RARB: variants seen among roughly 807,000 people sequenced by gnomAD.
The protein encoded by RARB is retinoic acid receptor beta, also known as HBV-activated protein.
Under a neutral mutation model 51.9 loss-of-function variants are expected in RARB, and 17 were observed. The ratio of observed to expected loss-of-function variants is 0.33; its 90% CI spans 0.22 to 0.49. The LOEUF is 0.49. Among genes scored for constraint, RARB ranks in the 20% least tolerant of loss-of-function variants. The pLI is 0.99. For synonymous variants in RARB, 215 were observed against 195.4 expected, an observed-to-expected ratio of 1.10 and a Z score of -0.84; for missense variants, 369 against 550.8, an observed-to-expected ratio of 0.67 and a Z score of 3.30.
intron 3 of RARB, among the ~76,000 whole-genome samples, chr3:25,084,149 C>G (rs969708166): frequency 6.6e-6 from 1 of 152,180 alleles, no homozygotes; most frequent in Non-Finnish European, 1.5e-5. Context: ...TCTTCACATT[C>G]TATCTAACTC....
chr3:24,885,947 A>G (rs567831486), intron 2 of RARB, among the ~76,000 whole-genome samples: 5 of 152,280 alleles, frequency 3.3e-5, no homozygotes, highest in African/African-American at 1.2e-4. Flanking sequence ...CTACTCATAT[A>G]TTATACTGTA....
intron 2 of RARB, among the ~76,000 whole-genome samples, chr3:24,956,023 T>A (rs114820280): frequency 0.02 from 3,052 of 152,176 alleles, 100 homozygotes; most frequent in African/African-American, 0.07. Flanking sequence ...GCTGTCTTCG[T>A]CAGATTAGGA....
At chr3:25,401,676 G>A (rs1283888993) in intron 5 of RARB, among the ~76,000 whole-genome samples, 2 of 152,222 alleles carry the variant, frequency 1.3e-5, no homozygotes, top group Non-Finnish European at 2.9e-5. Context: ...GAACGGATTA[G>A]TGAACTGTAA....
chr3:24,924,246 T>TA (rs1214243843), intron 2 of RARB, among the ~76,000 whole-genome samples: 1 of 152,208 alleles, frequency 6.6e-6, no homozygotes. Context: ...AACCATGTAC[T>TA]ATCTTTGATA....
intron 5 of RARB, among the ~76,000 whole-genome samples, chr3:25,298,049 G>T (rs1559348549): frequency 6.6e-6 from 1 of 152,272 alleles, no homozygotes; most frequent in East Asian, 1.9e-4. Context: ...TAGGACAAAA[G>T]ACAGCTAAGC....
At chr3:25,588,749 G>A (rs908236957) in intron 5 of RARB, among the ~76,000 whole-genome samples, 1 of 152,188 alleles carries the variant, frequency 6.6e-6, no homozygotes, top group Admixed American at 6.5e-5. Flanking sequence ...GGAATTTAGT[G>A]CTGGTTATTG....
intron 1 of RARB, among the ~76,000 whole-genome samples, chr3:24,830,900 G>T (rs1038172810): frequency 6.6e-6 from 1 of 152,150 alleles, no homozygotes; most frequent in Non-Finnish European, 1.5e-5. Flanking sequence ...GCTAGAAGTA[G>T]GAGAAGAAGA....
At chr3:25,088,617 A>G (rs1699143997) in intron 3 of RARB, among the ~76,000 whole-genome samples, 1 of 152,166 alleles carries the variant, frequency 6.6e-6, no homozygotes, top group Non-Finnish European at 1.5e-5. Flanking sequence ...GTGAAAGTAA[A>G]GAAAACAAAA....
intron 3 of RARB, among the ~76,000 whole-genome samples, chr3:25,522,124 A>G (rs1698427124): frequency 6.6e-6 from 1 of 152,074 alleles, no homozygotes; most frequent in Non-Finnish European, 1.5e-5. Context: ...AAGAAAATAT[A>G]TGAAAACAAA....
chr3:25,040,121 G>A (rs1435663661), intron 2 of RARB, among the ~76,000 whole-genome samples: 2 of 152,198 alleles, frequency 1.3e-5, no homozygotes, highest in Non-Finnish European at 2.9e-5. Flanking sequence ...GGTCTGAAAT[G>A]TTATTGTGGG....
chr3:25,319,263 TCAGGTCCTCCCAGGATA>T (rs1704502008), intron 5 of RARB, among the ~76,000 whole-genome samples: 1 of 152,256 alleles, frequency 6.6e-6, no homozygotes, highest in African/African-American at 2.4e-5. Context: ...CATCAAACCC[TCAGGTCCTCCCAGGATA>T]CAGTTTAATG....
chr3:25,335,148 C>CA (rs1705027490), intron 5 of RARB, among the ~76,000 whole-genome samples: 1 of 152,122 alleles, frequency 6.6e-6, no homozygotes, highest in African/African-American at 2.4e-5. Context: ...GGTAATAGCA[C>CA]AAGCATACTG....
At chr3:25,551,345 A>G (rs1489005794) in intron 3 of RARB, among the ~76,000 whole-genome samples, 2 of 152,198 alleles carry the variant, frequency 1.3e-5, no homozygotes, top group Admixed American at 6.5e-5. Flanking sequence ...AAGATGAGCT[A>G]TTGTCTGCAA....
intron 5 of RARB, among the ~76,000 whole-genome samples, chr3:25,400,443 G>A (rs1236459251): frequency 2.0e-5 from 3 of 152,158 alleles, no homozygotes; most frequent in East Asian, 1.9e-4. Context: ...GCATTGTGAC[G>A]TGTTGTTCTG....
At chr3:25,255,585 AACAAGAGTC>A in intron 5 of RARB, among the ~76,000 whole-genome samples, 1 of 152,280 alleles carries the variant, frequency 6.6e-6, no homozygotes, top group African/African-American at 2.4e-5. Context: ...TATCTTGGTG[AACAAGAGTC>A]AGTACTTGCC....
At chr3:25,193,429 A>G (rs551433053) in intron 5 of RARB, among the ~76,000 whole-genome samples, 8 of 152,080 alleles carry the variant, frequency 5.3e-5, no homozygotes, top group African/African-American at 1.9e-4. Context: ...TTAAGTCCCT[A>G]AAAAGTTCAG....
intron 2 of RARB, among the ~76,000 whole-genome samples, chr3:25,033,220 A>G (rs1697910890): frequency 1.3e-5 from 2 of 152,200 alleles, no homozygotes. Flanking sequence ...GAGCTTTCAA[A>G]AGAAACAAGG....
chr3:24,904,638 T>C (rs1032796618), intron 2 of RARB, among the ~76,000 whole-genome samples: 5 of 152,196 alleles, frequency 3.3e-5, no homozygotes, highest in African/African-American at 9.7e-5. Flanking sequence ...GAAATATCAT[T>C]TGACCCAGGC....
intron 1 of RARB, among the ~76,000 whole-genome samples, chr3:25,436,553 G>GCCCCAGTGTATTGTATCAGT (rs1708444000): frequency 6.6e-6 from 1 of 152,148 alleles, no homozygotes; most frequent in Non-Finnish European, 1.5e-5. Context: ...CCTTATCAGG[G>GCCCCAGTGTATTGTATCAGT]GAAACAATAC....
Sources: gnomAD v4.1 joint callset for allele counts (sites outside exome capture counted in the v4.1 genomes callset) on GRCh38, gnomAD v4.1.1 for gene constraint, MANE v1.5 for transcripts, NCBI Gene and HGNC (gene_info 2026-07-23, HGNC 2026-07-21) for gene names.